ZNF385D: variants seen among roughly 807,000 people sequenced by gnomAD.
The protein encoded by ZNF385D is zinc finger protein 385D, also known as zinc finger protein 659.
In ZNF385D, 15 loss-of-function variants were observed where a neutral mutation model predicts 35.8. The ratio of observed to expected loss-of-function variants is 0.42; its 90% CI spans 0.28 to 0.64. ZNF385D has a LOEUF of 0.64. Ranked by LOEUF, ZNF385D falls within the 30% of genes least tolerant of loss-of-function variation. The pLI is 0.23. For synonymous variants in ZNF385D, 212 were observed against 186.8 expected, an observed-to-expected ratio of 1.13 and a Z score of -1.10; for missense variants, 474 against 494.6, an observed-to-expected ratio of 0.96 and a Z score of 0.39.
At chr3:21,997,215 G>A (rs148196106) in intron 3 of ZNF385D, among the ~76,000 whole-genome samples, 1,826 of 152,094 alleles carry the variant, frequency 0.012, 33 homozygotes, top group African/African-American at 0.042. Flanking sequence ...GGATGAAGCT[G>A]GAAACCATCA....
chr3:21,612,287 AC>A (rs1481587162), intron 2 of ZNF385D, among the ~76,000 whole-genome samples: 1 of 151,538 alleles, frequency 6.6e-6, no homozygotes, highest in African/African-American at 2.4e-5. Flanking sequence ...TTTAGTAGAG[AC>A]GGGGTATCAC....
At chr3:21,556,323 C>G (rs1044116904) in intron 3 of ZNF385D, among the ~76,000 whole-genome samples, 1 of 151,966 alleles carries the variant, frequency 6.6e-6, no homozygotes, top group African/African-American at 2.4e-5. Context: ...ATGGTATTGC[C>G]TAGGTTTTCT....
At chr3:21,507,769 C>T (rs1706888551) in intron 4 of ZNF385D, among the ~76,000 whole-genome samples, 1 of 152,088 alleles carries the variant, frequency 6.6e-6, no homozygotes, top group Admixed American at 6.6e-5. Flanking sequence ...TTGTGCTAAT[C>T]AGTATGAGGA....
chr3:21,588,032 C>T (rs976156150), intron 2 of ZNF385D, among the ~76,000 whole-genome samples: 1 of 152,114 alleles, frequency 6.6e-6, no homozygotes, highest in African/African-American at 2.4e-5. Context: ...TAGTCCATGG[C>T]AGGCACTGTG....
At chr3:22,070,676 T>C (rs546004746) in intron 3 of ZNF385D, among the ~76,000 whole-genome samples, 7 of 152,224 alleles carry the variant, frequency 4.6e-5, no homozygotes, top group South Asian at 2.1e-4. Context: ...AATAAAAATG[T>C]TGAAGAAAAA....
chr3:21,425,766 T>C (rs1700992713), intron 5 of ZNF385D, 96 bp from the exon 6 acceptor site: 1 of 1,162,594 alleles, frequency 8.6e-7, no homozygotes, highest in Non-Finnish European at 1.2e-6. Context: ...TTAGCTAGTA[T>C]ATACCTTTAA....
intron 3 of ZNF385D, among the ~76,000 whole-genome samples, chr3:21,804,882 G>A (rs949964631): frequency 6.6e-6 from 1 of 152,102 alleles, no homozygotes; most frequent in African/African-American, 2.4e-5. Flanking sequence ...AAGAAAGAAC[G>A]TTGCTTGGAA....
At chr3:22,185,223 C>G (rs1486677364) in intron 2 of ZNF385D, among the ~76,000 whole-genome samples, 1 of 151,988 alleles carries the variant, frequency 6.6e-6, no homozygotes, top group South Asian at 2.1e-4. Context: ...TCAATAATAA[C>G]GGGACAGAAA....
chr3:21,824,020 G>C (rs1015634132), intron 3 of ZNF385D, among the ~76,000 whole-genome samples: 4 of 152,026 alleles, frequency 2.6e-5, no homozygotes, highest in Admixed American at 2.6e-4. Context: ...AAGTATTTTG[G>C]GTATAGACTG....
intron 2 of ZNF385D, among the ~76,000 whole-genome samples, chr3:22,261,092 TATCC>T (rs151146640): frequency 0.011 from 1,684 of 150,664 alleles, 26 homozygotes; most frequent in African/African-American, 0.037. Context: ...TACAACTATC[TATCC>T]ATCCATCCAT....
At chr3:22,140,145 T>A (rs185351075) in intron 3 of ZNF385D, among the ~76,000 whole-genome samples, 1 of 152,214 alleles carries the variant, frequency 6.6e-6, no homozygotes. Flanking sequence ...ACTCTGTACA[T>A]AAATGTTTAT....
chr3:22,040,926 AT>A (rs1197503010), intron 3 of ZNF385D, among the ~76,000 whole-genome samples: 1 of 152,132 alleles, frequency 6.6e-6, no homozygotes, highest in Non-Finnish European at 1.5e-5. Flanking sequence ...TTGAGATATA[AT>A]TTATATACCA....
At chr3:21,917,411 AAC>A (rs1700242284) in intron 3 of ZNF385D, among the ~76,000 whole-genome samples, 1 of 149,890 alleles carries the variant, frequency 6.7e-6, no homozygotes, top group African/African-American at 2.5e-5. Flanking sequence ...CAGCCTGGGC[AAC>A]AGAGTGATAC....
At chr3:22,105,148 G>A (rs2125632556) in intron 3 of ZNF385D, among the ~76,000 whole-genome samples, 1 of 152,090 alleles carries the variant, frequency 6.6e-6, no homozygotes, top group Admixed American at 6.6e-5. Flanking sequence ...CATACATGTG[G>A]CAAGGCTATG....
At chr3:21,854,047 A>G (rs1202370417) in intron 3 of ZNF385D, among the ~76,000 whole-genome samples, 2 of 151,948 alleles carry the variant, frequency 1.3e-5, no homozygotes, top group African/African-American at 4.8e-5. Flanking sequence ...AGTAATTCAG[A>G]TGCATATTTA....
chr3:22,162,870 G>A (rs1323008239), intron 3 of ZNF385D, among the ~76,000 whole-genome samples: 1 of 152,138 alleles, frequency 6.6e-6, no homozygotes, highest in Non-Finnish European at 1.5e-5. Flanking sequence ...AAAAATCATT[G>A]GTAGTGTCTT....
intron 1 of ZNF385D, among the ~76,000 whole-genome samples, chr3:21,709,086 T>A (rs546669814): frequency 6.6e-6 from 1 of 152,290 alleles, no homozygotes; most frequent in East Asian, 1.9e-4. Flanking sequence ...TCCTCTCATA[T>A]TTCTTAAAAT....
chr3:22,014,152 C>A (rs1171277301), intron 3 of ZNF385D, among the ~76,000 whole-genome samples: 1 of 151,060 alleles, frequency 6.6e-6, no homozygotes, highest in Admixed American at 6.6e-5. Context: ...TTAATATTTA[C>A]AACAAAAAAC....
intron 2 of ZNF385D, among the ~76,000 whole-genome samples, chr3:21,653,564 AT>A (rs2065986492): frequency 6.6e-6 from 1 of 152,060 alleles, no homozygotes; most frequent in South Asian, 2.1e-4. Flanking sequence ...AAATTATAAA[AT>A]TTTCACTATG....
Sources: gnomAD v4.1 joint callset for allele counts (sites outside exome capture counted in the v4.1 genomes callset) on GRCh38, gnomAD v4.1.1 for gene constraint, MANE v1.5 for transcripts, NCBI Gene and HGNC (gene_info 2026-07-23, HGNC 2026-07-21) for gene names.